RNGTT: variants seen among roughly 807,000 people sequenced by gnomAD.
The protein encoded by RNGTT is mRNA-capping enzyme.
Under a neutral mutation model 79.3 loss-of-function variants are expected in RNGTT, and 33 were observed. That is an observed-to-expected ratio of 0.42 (90% confidence interval 0.32 to 0.56). The LOEUF (loss-of-function observed/expected upper bound fraction) is 0.56, where lower values mean the gene tolerates loss of function less well. Ranked by LOEUF, RNGTT falls within the 20% of genes least tolerant of loss-of-function variation. The pLI, the probability that RNGTT is intolerant of heterozygous loss-of-function variation, is 0.17. For synonymous variants in RNGTT, 222 were observed against 235.9 expected, an observed-to-expected ratio of 0.94 and a Z score of 0.54; for missense variants, 497 against 739.1, an observed-to-expected ratio of 0.67 and a Z score of 3.80.
chr6:88,773,583 T>A (rs952613863), intron 12 of RNGTT, among the ~76,000 whole-genome samples: 1 of 150,470 alleles, frequency 6.6e-6, no homozygotes, highest in East Asian at 1.9e-4. Context: ...GCTACAGTAA[T>A]CAAAACAGGT....
rs182749933 is a variant in RNGTT at position 88,686,275 on chromosome 6, T to A, written c.1440-7856A>T. Among the ~76,000 whole-genome samples the A allele has an allele frequency of 3.0e-3, 449 of 151,788 alleles. 2 individuals are homozygous for A. The highest frequency in any genetic ancestry group is 9.0e-3 in the African/African-American group (374 of 41,408). Reference sequence around the variant, plus strand: ...GTATCAAACATTATTGCAAGAAATTTAAGAAAACCTAAGTAAATGAAAGAA... The same window carrying A: ...GTATCAAACATTATTGCAAGAAATTAAAGAAAACCTAAGTAAATGAAAGAA... On this transcript the variant is annotated intron_variant, in intron 13 of 15. Transcript: ENST00000369485.
chr6:88,697,380 T>C (rs1775715177), intron 13 of RNGTT, among the ~76,000 whole-genome samples: 1 of 151,762 alleles, frequency 6.6e-6, no homozygotes, highest in South Asian at 2.1e-4. Context: ...TGAAACCCTG[T>C]CTCTACTAAA....
intron 9 of RNGTT, among the ~76,000 whole-genome samples, chr6:88,852,168 C>T (rs1487986070): frequency 6.6e-6 from 1 of 152,020 alleles, no homozygotes; most frequent in Non-Finnish European, 1.5e-5. Context: ...AAGGTCTCTT[C>T]CATCATTACC....
chr6:88,938,092 C>T (rs1053815000), intron 2 of RNGTT, among the ~76,000 whole-genome samples: 1 of 152,152 alleles, frequency 6.6e-6, no homozygotes, highest in African/African-American at 2.4e-5. Context: ...TGTTAATTTT[C>T]TGTCTTGACA....
chr6:88,756,333 C>T (rs1778014851), intron 13 of RNGTT, among the ~76,000 whole-genome samples: 1 of 151,780 alleles, frequency 6.6e-6, no homozygotes, highest in African/African-American at 2.4e-5. Flanking sequence ...ATCAGCCAGG[C>T]GTGACGGTGC....
intron 14 of RNGTT, among the ~76,000 whole-genome samples, chr6:88,640,566 G>T (rs200056078): frequency 3.1e-5 from 4 of 128,916 alleles, no homozygotes; most frequent in Non-Finnish European, 6.8e-5. Flanking sequence ...AAAAAGAAAA[G>T]AAAAAAAAAA....
chr6:88,822,688 G>A (rs994783388), intron 11 of RNGTT, among the ~76,000 whole-genome samples: 3 of 152,204 alleles, frequency 2.0e-5, no homozygotes, highest in South Asian at 2.1e-4. Context: ...TGCAATAGTG[G>A]CAAATCTATC....
chr6:88,653,554 TTTAAA>T (rs1773871984), intron 14 of RNGTT, among the ~76,000 whole-genome samples: 1 of 152,170 alleles, frequency 6.6e-6, no homozygotes, highest in Non-Finnish European at 1.5e-5. Flanking sequence ...ACAACCACAA[TTTAAA>T]TTAGAAAATA....
At chr6:88,661,901 A>T (rs1774200732) in intron 14 of RNGTT, among the ~76,000 whole-genome samples, 1 of 152,242 alleles carries the variant, frequency 6.6e-6, no homozygotes, top group South Asian at 2.1e-4. Flanking sequence ...ATGAACACAG[A>T]TGCAAAAAAT....
At chr6:88,962,373 T>C (rs1294259759) in intron 1 of RNGTT, among the ~76,000 whole-genome samples, 1 of 152,180 alleles carries the variant, frequency 6.6e-6, no homozygotes, top group African/African-American at 2.4e-5. Context: ...GGCTCTCGCC[T>C]ATAATCCCAA....
intron 8 of RNGTT, among the ~76,000 whole-genome samples, chr6:88,873,964 G>C (rs187322379): frequency 2.0e-5 from 3 of 152,214 alleles, no homozygotes; most frequent in African/African-American, 7.2e-5. Flanking sequence ...ATTATTCGTA[G>C]CACAGATCAG....
At chr6:88,949,158 T>TAAAAAAAAAAAAAAAAAAAAAAAA (rs1491197999) in intron 1 of RNGTT, among the ~76,000 whole-genome samples, 1 of 18,008 alleles carries the variant, frequency 5.6e-5, no homozygotes, top group Non-Finnish European at 1.1e-4. Flanking sequence ...TAAAATAAAA[T>TAAAAAAAAAAAAAAAAAAAAAAAA]GAAAAAAAAA....
chr6:88,756,191 T>A (rs1363142316), intron 13 of RNGTT, among the ~76,000 whole-genome samples: 1 of 151,624 alleles, frequency 6.6e-6, no homozygotes, highest in Non-Finnish European at 1.5e-5. Context: ...GAGGTAAAAT[T>A]AGGCCGGGCT....
At chr6:88,931,104 G>A (rs531525808) in intron 2 of RNGTT, among the ~76,000 whole-genome samples, 2 of 149,266 alleles carry the variant, frequency 1.3e-5, no homozygotes, top group Admixed American at 6.8e-5. Flanking sequence ...GCATCATGTA[G>A]GTGCTAAAAA....
chr6:88,811,313 A>G (rs79943254), intron 11 of RNGTT, among the ~76,000 whole-genome samples: 3,148 of 152,332 alleles, frequency 0.021, 121 homozygotes, highest in African/African-American at 0.07. Flanking sequence ...GATACTTTTC[A>G]TAAGGTTTTT....
At chr6:88,764,291 A>T (rs1353582306) in intron 13 of RNGTT, among the ~76,000 whole-genome samples, 1 of 152,176 alleles carries the variant, frequency 6.6e-6, no homozygotes, top group East Asian at 1.9e-4. Context: ...TCTGTTTTTA[A>T]TTAAATCCAA....
intron 14 of RNGTT, among the ~76,000 whole-genome samples, chr6:88,644,983 G>C (rs953162875): frequency 1.6e-4 from 25 of 152,120 alleles, no homozygotes; most frequent in Non-Finnish European, 2.5e-4. Flanking sequence ...ATTCAACATA[G>C]TGTTGGAAGT....
chr6:88,680,567 C>A (rs889501190), intron 13 of RNGTT, among the ~76,000 whole-genome samples: 2 of 151,530 alleles, frequency 1.3e-5, no homozygotes, highest in African/African-American at 2.4e-5. Flanking sequence ...CATGGAGAAA[C>A]CCCGTCTCTA....
chr6:88,947,061 G>A (rs1785041448), intron 1 of RNGTT, among the ~76,000 whole-genome samples: 3 of 21,240 alleles, frequency 1.4e-4, no homozygotes, highest in South Asian at 1.2e-3. Flanking sequence ...CTGCCCGGCC[G>A]CCACCCCGTC....
Sources: allele counts gnomAD v4.1 joint callset (sites outside exome capture counted in the v4.1 genomes callset), GRCh38; gene constraint gnomAD v4.1.1; transcripts MANE v1.5; gene names NCBI Gene and HGNC (gene_info 2026-07-23, HGNC 2026-07-21).